The following KIF26B variants were observed in gnomAD, a reference collection of about 807,000 sequenced individuals.
The protein encoded by KIF26B is kinesin family member 26B.
In KIF26B, 63 loss-of-function variants were observed where a neutral mutation model predicts 151.2. The observed-to-expected ratio is 0.42, with a 90% CI of 0.34 to 0.51. The LOEUF (loss-of-function observed/expected upper bound fraction) is 0.51, where lower values mean the gene tolerates loss of function less well. Among genes scored for constraint, KIF26B ranks in the 20% least tolerant of loss-of-function variants. KIF26B has a pLI of 0.07. For missense variants in KIF26B, 2,813 were observed against 2,913.6 expected (o/e 0.97, Z 0.79); for synonymous variants, 1,357 against 1,262.1 (o/e 1.08, Z -1.59).
intron 5 of KIF26B, among the ~76,000 whole-genome samples, chr1:245,570,237 G>A (rs1158110236): frequency 6.6e-6 from 1 of 152,000 alleles, no homozygotes; most frequent in East Asian, 1.9e-4. Flanking sequence ...TGCCTGGCCT[G>A]AGAAAAATAT....
chr1:245,658,896 T>A (rs1484491458), intron 10 of KIF26B, among the ~76,000 whole-genome samples: 1 of 152,098 alleles, frequency 6.6e-6, no homozygotes, highest in Non-Finnish European at 1.5e-5. Context: ...ATATTTTAAA[T>A]ATTTGTTTAC....
At chr1:245,393,595 T>G (rs1408999966) in intron 3 of KIF26B, among the ~76,000 whole-genome samples, 4 of 152,112 alleles carry the variant, frequency 2.6e-5, no homozygotes, top group African/African-American at 2.4e-5. Context: ...GATTGGTGAG[T>G]GTGGTCTTAC....
rs1219644904 is a variant in KIF26B at position 245,564,189 on chromosome 1, G to A, written c.1350+23239G>A. ...TCCCCTAAACATTCCAGACCCTCTTGTGACTCTGAGTCTCTGCCCCTGGGT... is the reference window on the plus strand; with the variant it reads ...TCCCCTAAACATTCCAGACCCTCTTATGACTCTGAGTCTCTGCCCCTGGGT... On this transcript the variant is annotated intron_variant, in intron 5 of 14. Coordinates refer to ENST00000407071, the MANE Select transcript of KIF26B (RefSeq NM_018012.4). This position sits in a 1 kb window ranked among gnomAD's most constrained non-coding sequence, Gnocchi z 4.6. 6.6e-6 allele frequency among the ~76,000 whole-genome samples: 1 copy of A among 152,046 alleles called. No individual in the cohort carries two copies. The highest frequency in any genetic ancestry group is 6.6e-5 in the Admixed American group (1 of 15,254).
intron 5 of KIF26B, among the ~76,000 whole-genome samples, chr1:245,554,629 CTGAAATTTGTCCCAGATAAT>C (rs1661975961): frequency 1.5e-5 from 1 of 67,226 alleles, no homozygotes; most frequent in Admixed American, 2.1e-4. Flanking sequence ...GCAGATAAGG[CTGAAATTTGTCCCAGATAAT>C]TGGCTTCCTG....
At chr1:245,586,158 AGTGTGTGTGTGTGT>A (rs10526699) in intron 5 of KIF26B, among the ~76,000 whole-genome samples, 16,850 of 142,150 alleles carry the variant, frequency 0.12, 1,808 homozygotes, top group African/African-American at 0.3. Context: ...CACCATGACC[AGTGTGTGTGTGTGT>A]GTGTGTGTGT....
intron 2 of KIF26B, among the ~76,000 whole-genome samples, chr1:245,160,022 G>T (rs188015210): frequency 5.1e-4 from 77 of 152,316 alleles, no homozygotes; most frequent in East Asian, 2.9e-3. Context: ...TGAGCTTTCT[G>T]GAAAGAGATG....
chr1:245,367,082 G>C lies in KIF26B; in HGVS notation c.714G>C (p.Gly238=). ...PTLVGSRHVG[G]LQQPRDWAFV... ...TGGTGGGGTCCCGGCACGTGGGTGG[G>C]CTCCAGCAGCCCAGAGACTGGGCCT... Residue 238 remains glycine, a synonymous_variant, in exon 3 of 15, where the codon GGG becomes GGC. Coordinates refer to ENST00000407071, the MANE Select transcript of KIF26B (RefSeq NM_018012.4). This position sits in a 1 kb window ranked among gnomAD's most constrained non-coding sequence, Gnocchi z 4.2. 1 of 1,599,924 alleles carries C rather than the reference G, an allele frequency of 6.3e-7. No individual in the cohort carries two copies. Among genetic ancestry groups the C allele is most frequent in the South Asian group, 1.1e-5 (1 of 88,968 alleles).
At chr1:245,460,066 G>A (rs2103057215) in intron 4 of KIF26B, among the ~76,000 whole-genome samples, 1 of 152,178 alleles carries the variant, frequency 6.6e-6, no homozygotes, top group East Asian at 1.9e-4. Flanking sequence ...TACAACCTCT[G>A]TCTCCCAGGT....
At chr1:245,373,546 G>C (rs867079980) in intron 3 of KIF26B, among the ~76,000 whole-genome samples, 1 of 152,188 alleles carries the variant, frequency 6.6e-6, no homozygotes, top group African/African-American at 2.4e-5. Flanking sequence ...ATCCATAGTG[G>C]ACCGTTGATG....
chr1:245,673,057 A>AC (rs1356456921), intron 10 of KIF26B, among the ~76,000 whole-genome samples: 1 of 126,652 alleles, frequency 7.9e-6, no homozygotes, highest in Admixed American at 7.8e-5. Flanking sequence ...TCCCCACTGC[A>AC]CGCTGTCATC....
chr1:245,462,633 A>G (rs1659675538), intron 4 of KIF26B, among the ~76,000 whole-genome samples: 2 of 152,180 alleles, frequency 1.3e-5, no homozygotes, highest in African/African-American at 2.4e-5. Context: ...GCCACCCTGT[A>G]TCAGGTACTC....
intron 4 of KIF26B, among the ~76,000 whole-genome samples, chr1:245,506,619 G>T (rs937226723): frequency 2.0e-5 from 3 of 152,126 alleles, no homozygotes; most frequent in African/African-American, 7.2e-5. Flanking sequence ...GGGTCTATGG[G>T]ATCATCAGAA....
chr1:245,685,374 G>A (rs1558269445), intron 11 of KIF26B, 31 bp from the exon 12 acceptor site: 4 of 1,553,900 alleles, frequency 2.6e-6, no homozygotes, highest in East Asian at 2.3e-5. Context: ...CCACGGAAAG[G>A]CCACCACATT....
chr1:245,500,325 A>G (rs1452914713), intron 4 of KIF26B, among the ~76,000 whole-genome samples: 1 of 152,256 alleles, frequency 6.6e-6, no homozygotes, highest in Non-Finnish European at 1.5e-5. Flanking sequence ...GGTATTGGTC[A>G]TTTAACCCAC....
intron 2 of KIF26B, among the ~76,000 whole-genome samples, chr1:245,230,404 A>T (rs988500248): frequency 2.0e-5 from 3 of 152,322 alleles, no homozygotes; most frequent in African/African-American, 7.2e-5. Flanking sequence ...CAATTGATGT[A>T]AGAATGACCA....
rs1157759189 is a variant in KIF26B at position 245,703,486 on chromosome 1, C to T, written c.*880C>T. 1.3e-5 allele frequency: 2 copies of T among 152,208 alleles called. No individual in the cohort carries two copies. Among genetic ancestry groups the T allele is most frequent in the Non-Finnish European group, 2.9e-5 (2 of 68,054 alleles). 9.4% of individuals were successfully genotyped at this position (152,208 alleles called of 1,614,324 possible). ...CTTTGCGACCTGGGCCCTCCCTGCT[C>T]CTGGGAGGTGGGCCGTATGTTCTGT... On this transcript the variant is annotated 3_prime_UTR_variant, in exon 15 of 15. Transcript: ENST00000407071.
At chr1:245,355,870 TG>T (rs1362633019) in intron 2 of KIF26B, among the ~76,000 whole-genome samples, 2 of 152,180 alleles carry the variant, frequency 1.3e-5, no homozygotes, top group Admixed American at 6.5e-5. Context: ...AGGCCACAGC[TG>T]GGGTGAGGCC....
chr1:245,343,244 T>C (rs903641492), intron 2 of KIF26B, among the ~76,000 whole-genome samples: 1 of 152,180 alleles, frequency 6.6e-6, no homozygotes, highest in African/African-American at 2.4e-5. Context: ...TTGGGTGTGA[T>C]GTGTTGGAAG....
chr1:245,313,390 G>C (rs924440339), intron 2 of KIF26B, among the ~76,000 whole-genome samples: 1 of 152,300 alleles, frequency 6.6e-6, no homozygotes, highest in Non-Finnish European at 1.5e-5. Flanking sequence ...GAGCTTTGTC[G>C]AAAGGGTGTT....
Sources: gnomAD v4.1 joint callset for allele counts (sites outside exome capture counted in the v4.1 genomes callset) on GRCh38, gnomAD v4.1.1 for gene constraint, Gnocchi (gnomAD v3.1) non-coding constraint, MANE v1.5 for transcripts, NCBI Gene and HGNC (gene_info 2026-07-23, HGNC 2026-07-21) for gene names.